The following DNAH5 variants were observed in gnomAD, a reference collection of about 807,000 sequenced individuals.
DNAH5 encodes the protein dynein axonemal heavy chain 5.
Under a neutral mutation model 518.2 loss-of-function variants are expected in DNAH5, and 372 were observed. The observed-to-expected ratio is 0.72, with a 90% CI of 0.66 to 0.78. The LOEUF (loss-of-function observed/expected upper bound fraction) is 0.78. DNAH5 is among the 30% of genes least tolerant of loss of function. DNAH5 has a pLI of 0.00. For synonymous variants in DNAH5, 2,039 were observed against 2,025.9 expected (o/e 1.01, Z -0.17); for missense variants, 5,523 against 5,687.0 (o/e 0.97, Z 0.93).
intron 15 of DNAH5, among the ~76,000 whole-genome samples, chr5:13,896,921 T>A (rs1229984359): frequency 6.6e-6 from 1 of 152,120 alleles, no homozygotes; most frequent in African/African-American, 2.4e-5. Context: ...TTTACCTTGA[T>A]AATAGATGAA....
intron 1 of DNAH5, among the ~76,000 whole-genome samples, chr5:13,978,978 T>C (rs947136649): frequency 2.0e-5 from 3 of 152,032 alleles, no homozygotes; most frequent in Non-Finnish European, 4.4e-5. Context: ...TCCTCTGCCC[T>C]CCATTGGCTC....
intron 12 of DNAH5, among the ~76,000 whole-genome samples, chr5:13,903,826 A>G (rs1459812190): frequency 6.6e-6 from 1 of 152,106 alleles, no homozygotes; most frequent in Admixed American, 6.5e-5. Flanking sequence ...TGAGTTTACC[A>G]TTAACAGACT....
At chr5:13,891,352 G>T (rs934037165) in intron 16 of DNAH5, among the ~76,000 whole-genome samples, 3 of 152,110 alleles carry the variant, frequency 2.0e-5, no homozygotes, top group African/African-American at 7.2e-5. Context: ...TATCTTGGTA[G>T]CCCCTTCTAA....
chr5:13,856,996 T>A (rs1767727255), intron 30 of DNAH5, among the ~76,000 whole-genome samples: 1 of 152,214 alleles, frequency 6.6e-6, no homozygotes, highest in African/African-American at 2.4e-5. Context: ...AACATAGTAT[T>A]GGTAGTTCTG....
At chr5:13,902,221 G>T in intron 12 of DNAH5, 83 bp from the exon 13 acceptor site, 1 of 998,258 alleles carries the variant, frequency 1.0e-6, no homozygotes, top group Non-Finnish European at 1.5e-6. Flanking sequence ...TTTCCATTCT[G>T]TGCAAACACA....
intron 52 of DNAH5, among the ~76,000 whole-genome samples, chr5:13,781,623 C>T (rs181967535): frequency 2.6e-5 from 4 of 152,026 alleles, no homozygotes; most frequent in South Asian, 2.1e-4. Flanking sequence ...CAGGGGTTTT[C>T]GCTTTTGCAT....
chr5:13,757,579 G>A (rs1018933125), intron 61 of DNAH5, among the ~76,000 whole-genome samples: 2 of 152,116 alleles, frequency 1.3e-5, no homozygotes, highest in Non-Finnish European at 2.9e-5. Context: ...CTTCTGCACA[G>A]TAAAAGAAAC....
chr5:13,754,522 T>A (rs1232924580), intron 61 of DNAH5, among the ~76,000 whole-genome samples, 184 bp from the exon 62 acceptor site: 1 of 152,120 alleles, frequency 6.6e-6, no homozygotes, highest in Non-Finnish European at 1.5e-5. Flanking sequence ...CTTTGCCCTG[T>A]CCTCTCTCTT....
chr5:13,966,180 A>G (rs1008713907), intron 1 of DNAH5, among the ~76,000 whole-genome samples: 5 of 151,792 alleles, frequency 3.3e-5, no homozygotes, highest in African/African-American at 1.2e-4. Context: ...GTTTCCTTTT[A>G]TGGCTGAGTA....
At position 13,786,300 on chromosome 5, in the gene DNAH5, A is replaced by G. The variant is rs1755995014; in HGVS notation, c.8699T>C (p.Ile2900Thr). Residue 2900 changes from isoleucine to threonine, a missense_variant, in exon 52 of 79, where the codon ATT becomes ACT. Coordinates refer to ENST00000265104, the MANE Select transcript of DNAH5 (RefSeq NM_001369.3). ...DAETPKIYEP[I>T]ESFSHLKERL... ...CTCTTTTAGGTGACTAAAAGATTCA[A>G]TTGGCTCATAAATTTTAGGTGTTTC... 3.1e-6 allele frequency: 5 copies of G among 1,614,124 alleles called. No individual in the cohort carries two copies. The highest frequency in any genetic ancestry group is 1.1e-5 in the South Asian group (1 of 91,084).
chr5:13,914,451 G>A, intron 10 of DNAH5, 69 bp downstream of exon 10: 1 of 1,518,670 alleles, frequency 6.6e-7, no homozygotes, highest in Non-Finnish European at 9.1e-7. Flanking sequence ...ATTACAAAAT[G>A]ATTTAAGATG....
In DNAH5 at chr5:13,920,477, T is replaced by A; in HGVS notation, c.798+3A>T. 6.2e-7 allele frequency: 1 copy of A among 1,614,160 alleles called. No homozygotes were observed. Among genetic ancestry groups the A allele is most frequent in the East Asian group, 2.2e-5 (1 of 44,876 alleles). ...AAATTGATGTTTGGTTTCTCAAAAT[T>A]ACCTGTTCTGTCTGTTTGATCCATA... On this transcript the variant is annotated splice_donor_region_variant and intron_variant, in intron 6 of 78. Coordinates refer to ENST00000265104, the MANE Select transcript of DNAH5 (RefSeq NM_001369.3).
chr5:14,003,747 C>A (rs1581156974), intron 1 of DNAH5, among the ~76,000 whole-genome samples: 1 of 152,230 alleles, frequency 6.6e-6, no homozygotes, highest in African/African-American at 2.4e-5. Context: ...TGCGGCCAAG[C>A]CTTGCTCTCT....
chr5:13,935,986 G>A (rs1456728983), intron 1 of DNAH5, among the ~76,000 whole-genome samples: 1 of 152,182 alleles, frequency 6.6e-6, no homozygotes, highest in Admixed American at 6.5e-5. Flanking sequence ...AATGTCCAAG[G>A]AAATCTAGAG....
chr5:13,930,261 T>C (rs556085080), intron 2 of DNAH5, among the ~76,000 whole-genome samples: 2 of 152,318 alleles, frequency 1.3e-5, no homozygotes, highest in South Asian at 4.1e-4. Flanking sequence ...CATAACTCTT[T>C]ACAACTCAAC....
At position 13,863,887 on chromosome 5, in the gene DNAH5, C is replaced by A. The variant is rs141555907; in HGVS notation, c.4596+510G>T. 1.8e-4 allele frequency among the ~76,000 whole-genome samples: 27 copies of A among 152,300 alleles called. No individual in the cohort carries two copies. In the East Asian group the frequency reaches 4.8e-3, roughly 27 times the overall value. ...GTCTCCTCTCTGCCCTGCCTCCACGCCTCAGCCACATGGGCCTTCTTCTGG... is the reference window on the plus strand; with the variant it reads ...GTCTCCTCTCTGCCCTGCCTCCACGACTCAGCCACATGGGCCTTCTTCTGG... On this transcript the variant is annotated intron_variant, in intron 28 of 78. Transcript: ENST00000265104.
intron 65 of DNAH5, among the ~76,000 whole-genome samples, chr5:13,742,652 T>C (rs557690845): frequency 1.4e-4 from 22 of 152,184 alleles, no homozygotes; most frequent in African/African-American, 3.6e-4. Context: ...ACTAAAAAGA[T>C]TGAACATTAT....
At chr5:13,697,729 C>G (rs974978629) in intron 78 of DNAH5, among the ~76,000 whole-genome samples, 1 of 152,200 alleles carries the variant, frequency 6.6e-6, no homozygotes, top group South Asian at 2.1e-4. Flanking sequence ...GGTCTGTCTT[C>G]TAAATCCCAG....
chr5:13,791,544 A>G (rs1756986843), intron 50 of DNAH5, among the ~76,000 whole-genome samples: 1 of 152,210 alleles, frequency 6.6e-6, no homozygotes. Flanking sequence ...AAAATCATAG[A>G]TGATTATCAA....
Sources: gnomAD v4.1 joint callset for allele counts (sites outside exome capture counted in the v4.1 genomes callset) on GRCh38, gnomAD v4.1.1 for gene constraint, MANE v1.5 for transcripts, NCBI Gene and HGNC (gene_info 2026-07-23, HGNC 2026-07-21) for gene names.